DYRK1A: variants seen among roughly 807,000 people sequenced by gnomAD.
DYRK1A encodes dual specificity tyrosine phosphorylation regulated kinase 1A, also known as dual specificity tyrosine-phosphorylation-regulated kinase 1A.
A neutral mutation model predicts 79.7 loss-of-function variants in DYRK1A; 9 were observed. The ratio of observed to expected loss-of-function variants is 0.11; its 90% CI spans 0.07 to 0.20. DYRK1A has a LOEUF of 0.20. DYRK1A is among the 10% of genes least tolerant of loss of function. The probability of loss-of-function intolerance (pLI) is 1.00; values close to 1 mark genes in which losing one functional copy is unlikely to be tolerated. For missense variants in DYRK1A, 622 were observed against 956.0 expected, an observed-to-expected ratio of 0.65 and a Z score of 4.61; for synonymous variants, 349 against 329.7, an observed-to-expected ratio of 1.06 and a Z score of -0.63.
At chr21:37,494,987 G>A (rs1472194965) in intron 8 of DYRK1A, among the ~76,000 whole-genome samples, 1 of 151,248 alleles carries the variant, frequency 6.6e-6, no homozygotes, top group African/African-American at 2.4e-5. Flanking sequence ...ATATGTATTT[G>A]CTGTCTTCCC....
At chr21:37,480,902 C>A in intron 5 of DYRK1A, 76 bp downstream of exon 5, 1 of 1,182,154 alleles carries the variant, frequency 8.5e-7, no homozygotes, top group Non-Finnish European at 1.2e-6. Flanking sequence ...ACAGCCCTTC[C>A]TCAAGAGTGT....
At chr21:37,447,409 A>G (rs1378534719) in intron 2 of DYRK1A, among the ~76,000 whole-genome samples, 3 of 152,190 alleles carry the variant, frequency 2.0e-5, no homozygotes, top group Non-Finnish European at 4.4e-5. Flanking sequence ...AGAATGCCTC[A>G]CACGAATCTT....
At chr21:37,488,231 A>G in intron 6 of DYRK1A, 2 of 477,954 alleles carry the variant, frequency 4.2e-6, no homozygotes, top group Non-Finnish European at 5.5e-6. Context: ...GAGTTTTTAA[A>G]TTCTTATTTC....
chr21:37,492,513 T>A (rs1354279350), intron 7 of DYRK1A, among the ~76,000 whole-genome samples: 1 of 152,214 alleles, frequency 6.6e-6, no homozygotes, highest in African/African-American at 2.4e-5. Context: ...TGGCAGTGTT[T>A]CTGGGATTTA....
intron 2 of DYRK1A, among the ~76,000 whole-genome samples, chr21:37,445,937 G>C (rs896896614): frequency 1.3e-5 from 2 of 152,058 alleles, no homozygotes; most frequent in Admixed American, 1.3e-4. Flanking sequence ...TGAGGAGTTC[G>C]AGACCACCCT....
intron 2 of DYRK1A, among the ~76,000 whole-genome samples, chr21:37,422,602 A>G (rs557387036): frequency 6.6e-6 from 1 of 152,264 alleles, no homozygotes; most frequent in African/African-American, 2.4e-5. Flanking sequence ...GCTGGAAAGG[A>G]CACTGAAGTA....
chr21:37,496,323 A>C (rs962318452), intron 9 of DYRK1A, 65 bp downstream of exon 9: 1 of 1,491,768 alleles, frequency 6.7e-7, no homozygotes, highest in African/African-American at 1.4e-5. Context: ...GTCTTTTTAT[A>C]GCTCATTTTG....
intron 2 of DYRK1A, among the ~76,000 whole-genome samples, chr21:37,433,610 A>C (rs2050838950): frequency 6.6e-6 from 1 of 152,238 alleles, no homozygotes; most frequent in Non-Finnish European, 1.5e-5. Flanking sequence ...TGTGAAGTTT[A>C]AAGGGCTGAG....
chr21:37,400,035 G>C (rs190397282), intron 1 of DYRK1A, among the ~76,000 whole-genome samples: 2 of 152,212 alleles, frequency 1.3e-5, no homozygotes, highest in Admixed American at 1.3e-4. Context: ...CAGAATCATT[G>C]AGCCTAAACC....
intron 2 of DYRK1A, among the ~76,000 whole-genome samples, chr21:37,468,488 A>C (rs2052111368): frequency 6.6e-6 from 1 of 152,176 alleles, no homozygotes; most frequent in Non-Finnish European, 1.5e-5. Context: ...GGTAGTGTCC[A>C]GTTCTTGAAC....
chr21:37,370,563 G>A (rs2049409915), intron 1 of DYRK1A, among the ~76,000 whole-genome samples: 1 of 152,136 alleles, frequency 6.6e-6, no homozygotes, highest in Non-Finnish European at 1.5e-5. Flanking sequence ...TATTTGAGAA[G>A]GCTTTCACGT....
rs724672 is a variant in DYRK1A, at chr21:37,521,024, C to G, written c.*8493C>G. ...TACCTCTTTCTGTAGGCGGATGTTT[C>G]TGAAGGCATCTCCCACTGATTATGT... On this transcript the variant is annotated 3_prime_UTR_variant, in exon 12 of 12. Coordinates refer to ENST00000647188, the MANE Select transcript of DYRK1A (RefSeq NM_001347721.2). The G allele has an allele frequency of 0.12, 18,760 of 152,260 alleles. 1,453 individuals are homozygous for G. Among genetic ancestry groups the G allele is most frequent in the Middle Eastern group, 0.18 (54 of 294 alleles). The allele number at this position is 152,260 out of a possible 1,614,324, so 9.4% of individuals were successfully genotyped here.
At chr21:37,380,584 T>C (rs140922420) in intron 1 of DYRK1A, among the ~76,000 whole-genome samples, 1 of 152,150 alleles carries the variant, frequency 6.6e-6, no homozygotes, top group Non-Finnish European at 1.5e-5. Context: ...GAAGGCTGTT[T>C]GCTGAATAAG....
chr21:37,423,488 G>C (rs1427446321), intron 2 of DYRK1A, among the ~76,000 whole-genome samples: 1 of 152,128 alleles, frequency 6.6e-6, no homozygotes, highest in Non-Finnish European at 1.5e-5. Context: ...TACTGCCTCA[G>C]AGATTACCAT....
At chr21:37,382,444 T>C (rs1304145010) in intron 1 of DYRK1A, among the ~76,000 whole-genome samples, 1 of 152,136 alleles carries the variant, frequency 6.6e-6, no homozygotes, top group Non-Finnish European at 1.5e-5. Flanking sequence ...TTGTATTGAT[T>C]TACTTATTTA....
At chr21:37,434,421 A>C (rs1008697040) in intron 2 of DYRK1A, among the ~76,000 whole-genome samples, 3 of 152,200 alleles carry the variant, frequency 2.0e-5, no homozygotes, top group African/African-American at 7.2e-5. Context: ...CATGTTTCAA[A>C]GCATTTCTCT....
chr21:37,381,083 C>T (rs1225098637), intron 1 of DYRK1A, among the ~76,000 whole-genome samples: 1 of 152,168 alleles, frequency 6.6e-6, no homozygotes, highest in Admixed American at 6.6e-5. Flanking sequence ...TAGTGTTTTG[C>T]TCTCTCTTGC....
At chr21:37,389,969 G>T (rs1341526573) in intron 1 of DYRK1A, among the ~76,000 whole-genome samples, 1 of 151,162 alleles carries the variant, frequency 6.6e-6, no homozygotes, top group Admixed American at 6.6e-5. Flanking sequence ...ACTTGCCTGG[G>T]ATGGAATGCA....
intron 2 of DYRK1A, among the ~76,000 whole-genome samples, chr21:37,439,413 G>A (rs1310025898): frequency 6.6e-6 from 1 of 152,226 alleles, no homozygotes; most frequent in Admixed American, 6.5e-5. Flanking sequence ...GGATCAAACA[G>A]TATGTTAGCT....
Sources: gnomAD v4.1 joint callset for allele counts (sites outside exome capture counted in the v4.1 genomes callset) on GRCh38, gnomAD v4.1.1 for gene constraint, MANE v1.5 for transcripts, NCBI Gene and HGNC (gene_info 2026-07-23, HGNC 2026-07-21) for gene names.